The following OXR1 variants were observed in gnomAD, a reference collection of about 807,000 sequenced individuals.
The protein encoded by OXR1 is oxidation resistance protein 1.
OXR1 carries 41 observed loss-of-function variants against 104.6 expected under a neutral mutation model. That is an observed-to-expected ratio of 0.39 (90% CI 0.31 to 0.51). OXR1 has a LOEUF of 0.51. Ranked by LOEUF, OXR1 falls within the 20% of genes least tolerant of loss-of-function variation. The pLI, the probability that OXR1 is intolerant of heterozygous loss-of-function variation, is 0.77. For synonymous variants in OXR1, 348 were observed against 348.4 expected (o/e 1.00, Z 0.01); for missense variants, 955 against 1,031.9 (o/e 0.93, Z 1.02).
intron 1 of OXR1, among the ~76,000 whole-genome samples, chr8:106,292,826 C>A (rs751310193): frequency 1.3e-5 from 2 of 152,162 alleles, no homozygotes; most frequent in Non-Finnish European, 2.9e-5. Context: ...GTAAGTAGTT[C>A]TTAGCAAATG....
chr8:106,555,477 G>A (rs563661095), intron 3 of OXR1, among the ~76,000 whole-genome samples: 2 of 152,250 alleles, frequency 1.3e-5, no homozygotes, highest in Admixed American at 1.3e-4. Flanking sequence ...TCCAGCTTCT[G>A]ATAGTGAAGT....
chr8:106,491,089 G>A (rs1307246599), intron 2 of OXR1, among the ~76,000 whole-genome samples: 1 of 152,088 alleles, frequency 6.6e-6, no homozygotes, highest in African/African-American at 2.4e-5. Context: ...CTGCTTCCTC[G>A]ACGCTCCGCT....
chr8:106,515,268 T>C (rs1165292040), intron 2 of OXR1, among the ~76,000 whole-genome samples: 1 of 152,120 alleles, frequency 6.6e-6, no homozygotes, highest in African/African-American at 2.4e-5. Flanking sequence ...TGCAATGGCT[T>C]AATCTAATTA....
intron 2 of OXR1, among the ~76,000 whole-genome samples, chr8:106,510,402 A>G (rs2130029647): frequency 6.6e-6 from 1 of 152,236 alleles, no homozygotes; most frequent in South Asian, 2.1e-4. Flanking sequence ...CTCTCATATT[A>G]CCTCTTTCTC....
chr8:106,373,509 T>C (rs990863576), intron 2 of OXR1, among the ~76,000 whole-genome samples: 3 of 152,208 alleles, frequency 2.0e-5, no homozygotes, highest in African/African-American at 7.2e-5. Flanking sequence ...AAATTCACTT[T>C]ATTCTAAAAT....
At chr8:106,723,514 A>T (rs1489490654) in intron 11 of OXR1, among the ~76,000 whole-genome samples, 3 of 148,766 alleles carry the variant, frequency 2.0e-5, no homozygotes, top group South Asian at 4.3e-4. Flanking sequence ...AAAAAAAAAA[A>T]TACAAAAATT....
chr8:106,692,215 G>T (rs1351221722), intron 6 of OXR1, among the ~76,000 whole-genome samples: 2 of 151,978 alleles, frequency 1.3e-5, no homozygotes, highest in East Asian at 1.9e-4. Flanking sequence ...AGTGGAATGG[G>T]ATTTATCAAC....
chr8:106,503,907 G>C (rs1811981670), intron 2 of OXR1, among the ~76,000 whole-genome samples: 1 of 152,186 alleles, frequency 6.6e-6, no homozygotes, highest in Non-Finnish European at 1.5e-5. Flanking sequence ...AGCTATGAGT[G>C]ACCAGTGGGA....
intron 1 of OXR1, among the ~76,000 whole-genome samples, chr8:106,317,792 T>TA (rs1410078892): frequency 7.4e-6 from 1 of 135,104 alleles, no homozygotes; most frequent in Admixed American, 7.0e-5. Context: ...CTAACTAAAT[T>TA]CCAAAAAAAA....
chr8:106,425,582 AAAGGGACACAC>A (rs1176237984), intron 2 of OXR1, among the ~76,000 whole-genome samples: 1 of 152,120 alleles, frequency 6.6e-6, no homozygotes, highest in Non-Finnish European at 1.5e-5. Flanking sequence ...TGGGATGGTA[AAAGGGACACAC>A]CATCTGCAGT....
rs10582378 is a variant in OXR1, at chr8:106,513,410, T to TACACAC, written c.24-5516_24-5511dup. On this transcript the variant is annotated intron_variant, in intron 2 of 16. Transcript: ENST00000517566. The stretch of plus-strand genomic sequence containing the variant: ...CTCAGGTCAAACCTGCGTGGATTTA[T>TACACAC]ACACACACACACACACACACACTCA... Among the ~76,000 whole-genome samples the TACACAC allele has an allele frequency of 4.2e-4, 64 of 150,914 alleles. 1 individual carries two copies. Among genetic ancestry groups the TACACAC allele is most frequent in the African/African-American group, 1.2e-3 (48 of 41,220 alleles).
intron 3 of OXR1, among the ~76,000 whole-genome samples, chr8:106,550,237 T>A (rs1815695492): frequency 6.6e-6 from 1 of 152,198 alleles, no homozygotes; most frequent in East Asian, 1.9e-4. Context: ...TCTCTGAGGA[T>A]TCCAATGGAG....
intron 1 of OXR1, among the ~76,000 whole-genome samples, chr8:106,325,823 A>G (rs568928111): frequency 6.6e-6 from 1 of 152,358 alleles, no homozygotes; most frequent in Non-Finnish European, 1.5e-5. Flanking sequence ...ATTGCTCTTT[A>G]TTAAAAGAAG....
intron 4 of OXR1, 52 bp from the exon 5 acceptor site, chr8:106,683,147 T>C: frequency 1.2e-6 from 1 of 858,764 alleles, no homozygotes; most frequent in East Asian, 2.6e-5. Context: ...AATATTATAG[T>C]TTAGTTTTTC....
rs143725580 is a variant in OXR1 at position 106,687,671 on chromosome 8, GC to G, written c.525+3314del. ...GGAGTCGGGGGTTGCAGTGAGCCAC[GC>G]CACTGCCCTTCAGCCTGGGTTACAG... On this transcript the variant is annotated intron_variant, in intron 6 of 16. Coordinates refer to ENST00000517566, the MANE Select transcript of OXR1 (RefSeq NM_001198533.2). Among the ~76,000 whole-genome samples, 11 of 150,352 alleles carry G rather than the reference GC, an allele frequency of 7.3e-5. No individual in the cohort carries two copies. In the East Asian group the frequency reaches 2.2e-3, roughly 29 times the overall value.
chr8:106,704,438 G>A (rs539935909), intron 8 of OXR1, among the ~76,000 whole-genome samples: 46 of 102,672 alleles, frequency 4.5e-4, no homozygotes, highest in African/African-American at 1.6e-3. Context: ...ATGGAGTCTC[G>A]CTCTATCACC....
chr8:106,533,362 C>T (rs6469074), intron 3 of OXR1, among the ~76,000 whole-genome samples: 25,167 of 152,022 alleles, frequency 0.17, 2,163 homozygotes, highest in East Asian at 0.24. Flanking sequence ...CAAAAGAAGA[C>T]GATTAGGATG....
intron 3 of OXR1, among the ~76,000 whole-genome samples, chr8:106,539,638 C>G (rs928214365): frequency 6.6e-6 from 1 of 152,138 alleles, no homozygotes; most frequent in African/African-American, 2.4e-5. Context: ...TGTCCAACAA[C>G]TTTTCTTAGG....
At chr8:106,474,919 C>A (rs1378650260) in intron 2 of OXR1, among the ~76,000 whole-genome samples, 1 of 151,908 alleles carries the variant, frequency 6.6e-6, no homozygotes, top group East Asian at 1.9e-4. Context: ...GATTCTGGAA[C>A]CCAAACTGTC....
Sources: gnomAD v4.1 joint callset for allele counts (sites outside exome capture counted in the v4.1 genomes callset) on GRCh38, gnomAD v4.1.1 for gene constraint, MANE v1.5 for transcripts, NCBI Gene and HGNC (gene_info 2026-07-23, HGNC 2026-07-21) for gene names.